Variants in C3orf20 observed in about 807,000 individuals in gnomAD.
C3orf20 encodes uncharacterized protein C3orf20.
C3orf20 carries 76 observed loss-of-function variants against 88.3 expected under a neutral mutation model. The observed-to-expected ratio is 0.86, with a 90% CI of 0.72 to 1.04. The LOEUF is 1.04. Among genes scored for constraint, C3orf20 ranks in the 50% least tolerant of loss-of-function variants. The pLI, the probability that C3orf20 is intolerant of heterozygous loss-of-function variation, is 0.00. For missense variants in C3orf20, 1,056 were observed against 1,123.3 expected, an observed-to-expected ratio of 0.94 and a Z score of 0.86; for synonymous variants, 436 against 437.4, an observed-to-expected ratio of 1.00 and a Z score of 0.04.
rs2035889677 is a variant in C3orf20 at position 14,772,531 on chromosome 3, G to A, written c.2631-260G>A. On this transcript the variant is annotated intron_variant, in intron 16 of 16. Transcript: ENST00000253697. This position sits in a 1 kb window ranked among gnomAD's most constrained non-coding sequence, Gnocchi z 4.2. ...TGCACCTGTTAAAGGCCACTTACTTGCTGGTGCTGGTAACCATGAAATGAA... is the reference window on the plus strand; with the variant it reads ...TGCACCTGTTAAAGGCCACTTACTTACTGGTGCTGGTAACCATGAAATGAA... 6.6e-6 allele frequency among the ~76,000 whole-genome samples: 1 copy of A among 152,354 alleles called. No individual in the cohort carries two copies. Among genetic ancestry groups the A allele is most frequent in the South Asian group, 2.1e-4 (1 of 4,828 alleles).
At chr3:14,685,268 AAGT>A (rs1396664528) in intron 4 of C3orf20, among the ~76,000 whole-genome samples, 2 of 152,176 alleles carry the variant, frequency 1.3e-5, no homozygotes, top group Admixed American at 1.3e-4. Context: ...AAAGCATGGA[AAGT>A]AGTAATATAT....
At chr3:14,750,838 C>T (rs1336037211) in intron 12 of C3orf20, among the ~76,000 whole-genome samples, 1 of 152,122 alleles carries the variant, frequency 6.6e-6, no homozygotes, top group Admixed American at 6.5e-5. Context: ...AGATTTATGT[C>T]TTTCATCAAA....
chr3:14,770,270 G>A lies in C3orf20; in HGVS notation c.2496-1797G>A, dbSNP rs531786146. On this transcript the variant is annotated intron_variant, in intron 15 of 16. Coordinates refer to ENST00000253697, the MANE Select transcript of C3orf20 (RefSeq NM_032137.5). ...GTGCTCCTTGTGAGGCCGGATTGGAGGTAAGGGGCTGCAAAGAGGCGTTAA... is the reference window on the plus strand; with the variant it reads ...GTGCTCCTTGTGAGGCCGGATTGGAAGTAAGGGGCTGCAAAGAGGCGTTAA... Among the ~76,000 whole-genome samples, 3 of 152,308 alleles carry A rather than the reference G, an allele frequency of 2.0e-5. No individual in the cohort carries two copies. In the South Asian group the frequency reaches 6.2e-4, roughly 32 times the overall value.
chr3:14,729,848 G>A (rs949737009), intron 12 of C3orf20, among the ~76,000 whole-genome samples: 6 of 152,150 alleles, frequency 3.9e-5, no homozygotes, highest in African/African-American at 1.4e-4. Flanking sequence ...CCTGGCCTGG[G>A]ATTTATCTCT....
intron 4 of C3orf20, 41 bp from the exon 5 acceptor site, chr3:14,689,956 G>A: frequency 6.2e-7 from 1 of 1,613,154 alleles, no homozygotes; most frequent in African/African-American, 1.3e-5. Flanking sequence ...AAAATTAAAA[G>A]TAAACAGTTG....
chr3:14,738,327 C>G (rs2034786789), intron 12 of C3orf20, among the ~76,000 whole-genome samples: 1 of 151,444 alleles, frequency 6.6e-6, no homozygotes, highest in South Asian at 2.1e-4. Flanking sequence ...TCCACCATGC[C>G]CAACTAATTT....
rs1356642581 is a variant in C3orf20 at position 14,761,473 on chromosome 3, A to G, written c.2353A>G (p.Met785Val). The change falls in exon 15 of 17, where the codon ATG becomes GTG. Residue 785 changes from methionine (M) to valine (V), a missense_variant and splice_region_variant. Physicochemically the swap from Met to Val is conservative, Grantham distance 21 (BLOSUM62 1). Transcript: ENST00000253697. The part of the protein sequence containing the change: ...KNSVVQGMIL[M>V]FAGGKLIFGG... Reference sequence around the variant, plus strand: ...CTCCTCATTTCCTTCCTGTCAACAGATGTTTGCCGGGGGGAAGCTCATTTT... The same window carrying G: ...CTCCTCATTTCCTTCCTGTCAACAGGTGTTTGCCGGGGGGAAGCTCATTTT... 2.5e-6 allele frequency: 4 copies of G among 1,613,844 alleles called. No individual in the cohort carries two copies. The African/African-American group carries it at 4.0e-5, about 16-fold the overall frequency.
chr3:14,742,911 A>G (rs1392828836), intron 12 of C3orf20, among the ~76,000 whole-genome samples: 2 of 152,108 alleles, frequency 1.3e-5, no homozygotes, highest in African/African-American at 2.4e-5. Context: ...ACGTGATTCA[A>G]TTACCTCCCC....
chr3:14,682,817 C>T lies in C3orf20; in HGVS notation c.104C>T (p.Ala35Val). 1 of 1,614,236 alleles carries T rather than the reference C, an allele frequency of 6.2e-7. No homozygotes were observed. Among genetic ancestry groups the T allele is most frequent in the African/African-American group, 1.3e-5 (1 of 75,050 alleles). Residue 35 changes from alanine to valine, a missense_variant, in exon 3 of 17, where the codon GCA (alanine) becomes GTA (valine). Ala to Val is a moderately conservative substitution (Grantham distance 64). Transcript: ENST00000253697. ...AAACTCCTCATGATCTGCCAGAATG[C>T]AGGCATTTCTGTACCAAAAGGCATC... Reference protein sequence around the residue: ...ISKLLMICQNAGISVPKGIRN... With the variant: ...ISKLLMICQNVGISVPKGIRN...
intron 12 of C3orf20, among the ~76,000 whole-genome samples, chr3:14,729,449 C>T (rs962456640): frequency 1.4e-4 from 21 of 152,080 alleles, no homozygotes; most frequent in African/African-American, 4.6e-4. Context: ...AAGGGGACAA[C>T]GACACGAATT....
At chr3:14,681,457 C>A (rs1285952891) in intron 1 of C3orf20, among the ~76,000 whole-genome samples, 1 of 152,234 alleles carries the variant, frequency 6.6e-6, no homozygotes, top group Non-Finnish European at 1.5e-5. Flanking sequence ...AGCCTTGGGC[C>A]AGCAGCCCTT....
At chr3:14,730,391 G>GA (rs1199641694) in intron 12 of C3orf20, among the ~76,000 whole-genome samples, 2 of 151,894 alleles carry the variant, frequency 1.3e-5, no homozygotes, top group Admixed American at 1.3e-4. Flanking sequence ...ACTAAAAATA[G>GA]AAAAAATTAG....
rs767468073 is a variant in C3orf20 at position 14,728,572 on chromosome 3, G to A, written c.1824G>A (p.Gln608=). 7.4e-6 allele frequency: 12 copies of A among 1,614,100 alleles called. No individual in the cohort carries two copies. The highest frequency in any genetic ancestry group is 4.2e-6 in the Non-Finnish European group (5 of 1,180,050). ...CAGGAGAAAGTCTTTTACGATCTCA[G>A]TCAGGCCACCTGGAATCCTCAATTG... ...LYSGESLLRS[Q]SGHLESSIAE... is the part of the protein sequence containing the mutation. Residue 608 remains glutamine, a synonymous_variant, in exon 12 of 17, where the codon CAG becomes CAA. Coordinates refer to ENST00000253697, the MANE Select transcript of C3orf20 (RefSeq NM_032137.5).
At position 14,768,658 on chromosome 3, in the gene C3orf20, G is replaced by A. The variant is rs1337522795; in HGVS notation, c.2496-3409G>A. On this transcript the variant is annotated intron_variant, in intron 15 of 16. Coordinates refer to ENST00000253697, the MANE Select transcript of C3orf20 (RefSeq NM_032137.5). This position sits in a 1 kb window ranked among gnomAD's most constrained non-coding sequence, Gnocchi z 4.1. ...GTTAAAACTACCTCTTTTCTGGACT[G>A]GGGCCTGAGGGGGCGCTGAGTAGAG... Among the ~76,000 whole-genome samples the A allele has an allele frequency of 6.6e-6, 1 of 151,976 alleles. No individual in the cohort carries two copies. Among genetic ancestry groups the A allele is most frequent in the Non-Finnish European group, 1.5e-5 (1 of 68,026 alleles).
intron 5 of C3orf20, among the ~76,000 whole-genome samples, chr3:14,692,610 G>A (rs1387922649): frequency 6.6e-6 from 1 of 152,076 alleles, no homozygotes; most frequent in African/African-American, 2.4e-5. Context: ...CTGCAGAGTT[G>A]TTTGAACTCC....
intron 12 of C3orf20, among the ~76,000 whole-genome samples, chr3:14,756,961 T>C (rs2035392320): frequency 6.6e-6 from 1 of 152,096 alleles, no homozygotes; most frequent in South Asian, 2.1e-4. Context: ...TAGGAGGCAT[T>C]AGCAGGCAGC....
chr3:14,700,542 T>A (rs2033211393), intron 5 of C3orf20, among the ~76,000 whole-genome samples: 1 of 152,240 alleles, frequency 6.6e-6, no homozygotes. Flanking sequence ...CTCGGGGGAT[T>A]GCTACATGTC....
In C3orf20 at chr3:14,768,039, T is replaced by A. The variant is rs2035764646; in HGVS notation, c.2496-4028T>A. ...AACACCAATGTGAGCCTCAAGAGGCTTTGTATCCTGTAACATGCTATCCAG... is the reference window on the plus strand; with the variant it reads ...AACACCAATGTGAGCCTCAAGAGGCATTGTATCCTGTAACATGCTATCCAG... On this transcript the variant is annotated intron_variant, in intron 15 of 16. Transcript: ENST00000253697. This position sits in a 1 kb window ranked among gnomAD's most constrained non-coding sequence, Gnocchi z 4.1. Among the ~76,000 whole-genome samples, 1 of 152,192 alleles carries A rather than the reference T, an allele frequency of 6.6e-6. No homozygotes were observed. The highest frequency in any genetic ancestry group is 1.5e-5 in the Non-Finnish European group (1 of 68,038).
At chr3:14,676,468 A>G (rs2031777474) in intron 1 of C3orf20, among the ~76,000 whole-genome samples, 1 of 152,222 alleles carries the variant, frequency 6.6e-6, no homozygotes, top group Non-Finnish European at 1.5e-5. Flanking sequence ...TAACATTTCT[A>G]AAACCGAGCT....
Sources: gnomAD v4.1 joint callset for allele counts (sites outside exome capture counted in the v4.1 genomes callset) on GRCh38, gnomAD v4.1.1 for gene constraint, Gnocchi (gnomAD v3.1) non-coding constraint, MANE v1.5 for transcripts, NCBI Gene and HGNC (gene_info 2026-07-23, HGNC 2026-07-21) for gene names.